SRBD1: variants seen among roughly 807,000 people sequenced by gnomAD.
SRBD1 encodes S1 RNA binding domain 1, also known as S1 RNA-binding domain-containing protein 1.
SRBD1 carries 88 observed loss-of-function variants against 115.3 expected under a neutral mutation model. The observed-to-expected ratio is 0.76, with a 90% confidence interval of 0.64 to 0.91. The LOEUF is 0.91. Among genes scored for constraint, SRBD1 ranks in the 40% least tolerant of loss-of-function variants. The pLI is 0.00. For missense variants in SRBD1, 1,385 were observed against 1,177.4 expected, an observed-to-expected ratio of 1.18 and a Z score of -2.58; for synonymous variants, 509 against 407.7, an observed-to-expected ratio of 1.25 and a Z score of -2.99.
rs1672714816 is a variant in SRBD1, at chr2:45,562,830, C to T, written c.1306-74G>A. 5 of 875,290 alleles carry T rather than the reference C, an allele frequency of 5.7e-6. No individual in the cohort carries two copies. The East Asian group carries it at 1.1e-4, about 19-fold the overall frequency. The allele number at this position is 875,290 out of a possible 1,614,324, so 54.2% of individuals were successfully genotyped here. ...ACAAATCAGGCGACTATGTAGCTGA[C>T]AGCTATATGAATTTTTTACTCGTTT... On this transcript the variant is annotated intron_variant, in intron 9 of 20. Transcript: ENST00000263736.
intron 14 of SRBD1, among the ~76,000 whole-genome samples, chr2:45,516,532 T>TG (rs1671123008): frequency 6.6e-6 from 1 of 152,222 alleles, no homozygotes; most frequent in Admixed American, 6.5e-5. Flanking sequence ...CAGATATATC[T>TG]GGAATAGTGT....
intron 7 of SRBD1, among the ~76,000 whole-genome samples, chr2:45,576,420 G>T (rs1331229836): frequency 6.6e-6 from 1 of 150,642 alleles, no homozygotes; most frequent in Non-Finnish European, 1.5e-5. Flanking sequence ...TTTCAACTTT[G>T]AAGAGGGAGT....
At chr2:45,564,789 A>G (rs1672775698) in intron 9 of SRBD1, among the ~76,000 whole-genome samples, 1 of 152,230 alleles carries the variant, frequency 6.6e-6, no homozygotes, top group Non-Finnish European at 1.5e-5. Flanking sequence ...TTGAAAATAC[A>G]GTAATTGCAG....
intron 16 of SRBD1, among the ~76,000 whole-genome samples, chr2:45,420,718 T>C (rs888844442): frequency 6.6e-6 from 1 of 152,238 alleles, no homozygotes; most frequent in Non-Finnish European, 1.5e-5. Flanking sequence ...CCATGCAGTA[T>C]TGTTTTTTAT....
chr2:45,513,695 C>T (rs1456735688), intron 14 of SRBD1, among the ~76,000 whole-genome samples: 3 of 151,816 alleles, frequency 2.0e-5, no homozygotes, highest in East Asian at 1.9e-4. Context: ...ACTCAAATAC[C>T]GTATCATGTA....
intron 14 of SRBD1, among the ~76,000 whole-genome samples, chr2:45,518,822 A>G (rs955382637): frequency 6.6e-6 from 1 of 152,134 alleles, no homozygotes; most frequent in African/African-American, 2.4e-5. Context: ...GTTTACGTTA[A>G]TGAGGCAACA....
intron 16 of SRBD1, among the ~76,000 whole-genome samples, chr2:45,465,594 T>G (rs1306231140): frequency 6.6e-6 from 1 of 152,108 alleles, no homozygotes; most frequent in Admixed American, 6.5e-5. Flanking sequence ...GGAAGAAAAC[T>G]AGAAAGGAAG....
At chr2:45,536,349 G>C (rs575188825) in intron 14 of SRBD1, among the ~76,000 whole-genome samples, 3 of 151,620 alleles carry the variant, frequency 2.0e-5, no homozygotes, top group Non-Finnish European at 1.5e-5. Context: ...AAACATACTT[G>C]ATAGAATACT....
In SRBD1 at chr2:45,506,820, TTAAA is replaced by T. The variant is rs79511015; in HGVS notation, c.1875-18493_1875-18490del. Among the ~76,000 whole-genome samples, 3 of 152,214 alleles carry T rather than the reference TTAAA, an allele frequency of 2.0e-5. No individual in the cohort carries two copies. The East Asian group carries it at 5.8e-4, about 29-fold the overall frequency. ...TCAAATGTAAATTAAATAGTGCATA[TTAAA>T]TAGTGTTTTCTAAATTAATTTCTTA... On this transcript the variant is annotated intron_variant, in intron 14 of 20. Coordinates refer to ENST00000263736, the MANE Select transcript of SRBD1 (RefSeq NM_018079.5).
chr2:45,545,283 TAAAAAAAAAAAAAAAAA>T lies in SRBD1; in HGVS notation c.1874+1432_1874+1448del, dbSNP rs56909656. On this transcript the variant is annotated intron_variant, in intron 14 of 20. Transcript: ENST00000263736. Reference sequence around the variant, plus strand: ...TGACAGAGCGAGACTCTGTCTCAATTAAAAAAAAAAAAAAAAAAAAAAAAAAAAAAAACAGATGAACC... The same window carrying T: ...TGACAGAGCGAGACTCTGTCTCAATTAAAAAAAAAAAAAAACAGATGAACC... 2.0e-3 allele frequency among the ~76,000 whole-genome samples: 139 copies of T among 68,592 alleles called. 1 individual carries two copies. The East Asian group carries it at 0.026, about 13-fold the overall frequency. 45.0% of individuals were successfully genotyped at this position (68,592 alleles called of 152,430 possible).
chr2:45,396,127 GA>G (rs977264123), intron 19 of SRBD1, among the ~76,000 whole-genome samples: 18 of 148,278 alleles, frequency 1.2e-4, no homozygotes, highest in African/African-American at 3.4e-4. Context: ...ATATCATACA[GA>G]AAAAAAAAAT....
intron 1 of SRBD1, among the ~76,000 whole-genome samples, chr2:45,607,511 G>T (rs776428393): frequency 2.6e-5 from 4 of 151,964 alleles, no homozygotes; most frequent in Non-Finnish European, 5.9e-5. Context: ...TCCTAAATAT[G>T]ACTCCTCAAA....
chr2:45,496,615 C>T (rs768023484), intron 14 of SRBD1, among the ~76,000 whole-genome samples: 4 of 152,120 alleles, frequency 2.6e-5, no homozygotes, highest in Non-Finnish European at 5.9e-5. Context: ...TAATATGCTT[C>T]TATACTGTAC....
intron 10 of SRBD1, among the ~76,000 whole-genome samples, chr2:45,560,136 A>T (rs1672614480): frequency 1.3e-5 from 2 of 152,152 alleles, no homozygotes; most frequent in South Asian, 4.1e-4. Flanking sequence ...CTGACTGAAA[A>T]TTATATTACT....
At chr2:45,566,846 A>G (rs1321944946) in intron 9 of SRBD1, among the ~76,000 whole-genome samples, 1 of 152,098 alleles carries the variant, frequency 6.6e-6, no homozygotes, top group African/African-American at 2.4e-5. Context: ...ATTATATATT[A>G]AAAATTAAAC....
At chr2:45,513,005 C>A (rs928773138) in intron 14 of SRBD1, among the ~76,000 whole-genome samples, 3 of 152,092 alleles carry the variant, frequency 2.0e-5, no homozygotes, top group African/African-American at 4.8e-5. Flanking sequence ...AGAACACATG[C>A]CCCTCTGACA....
chr2:45,481,226 C>T (rs140082653), intron 15 of SRBD1, among the ~76,000 whole-genome samples: 155 of 152,142 alleles, frequency 1.0e-3, no homozygotes, highest in African/African-American at 3.4e-3. Flanking sequence ...AAATGTCATG[C>T]GACATTTTTA....
At chr2:45,463,069 A>T (rs1405537652) in intron 16 of SRBD1, among the ~76,000 whole-genome samples, 1 of 149,944 alleles carries the variant, frequency 6.7e-6, no homozygotes, top group African/African-American at 2.5e-5. Flanking sequence ...CTCACTACAG[A>T]CTTTTATCAT....
intron 16 of SRBD1, among the ~76,000 whole-genome samples, chr2:45,445,332 C>A (rs1668788266): frequency 6.6e-6 from 1 of 151,972 alleles, no homozygotes; most frequent in African/African-American, 2.4e-5. Flanking sequence ...AAGGAATTTT[C>A]TTTTTACCCA....
Sources: allele counts gnomAD v4.1 joint callset (sites outside exome capture counted in the v4.1 genomes callset), GRCh38; gene constraint gnomAD v4.1.1; transcripts MANE v1.5; gene names NCBI Gene and HGNC (gene_info 2026-07-23, HGNC 2026-07-21).